Variants in PIK3C2A observed in about 807,000 individuals in gnomAD.
PIK3C2A encodes the protein phosphatidylinositol-4-phosphate 3-kinase catalytic subunit type 2 alpha.
PIK3C2A carries 97 observed loss-of-function variants against 204.5 expected under a neutral mutation model. The observed-to-expected ratio is 0.47, with a 90% CI of 0.40 to 0.56. The LOEUF is 0.56. Ranked by LOEUF, PIK3C2A falls within the 20% of genes least tolerant of loss-of-function variation. The pLI, the probability that PIK3C2A is intolerant of heterozygous loss-of-function variation, is 0.00. For synonymous variants in PIK3C2A, 653 were observed against 664.4 expected, an observed-to-expected ratio of 0.98 and a Z score of 0.26; for missense variants, 1,735 against 1,969.2, an observed-to-expected ratio of 0.88 and a Z score of 2.25.
chr11:17,097,208 T>C lies in PIK3C2A; in HGVS notation c.4175A>G (p.Asn1392Ser), dbSNP rs1263972050. 1 of 1,613,900 alleles carries C rather than the reference T, an allele frequency of 6.2e-7. No individual in the cohort carries two copies. The highest frequency in any genetic ancestry group is 2.2e-5 in the East Asian group (1 of 44,838). Residue 1392 changes from asparagine to serine, a missense_variant, in exon 27 of 33, where the codon AAC (asparagine) becomes AGC (serine). Physicochemically the swap from Asn to Ser is conservative, Grantham distance 46. This residue lies in a region of PIK3C2A where 503 missense variants were observed against 669.0 expected (regional missense o/e 0.75). Transcript: ENST00000691414. ...ACCAGAAAAACGAAGCTGAGCAAGG[T>C]TGTGAATGAAGAAGTTAAACTTTGT... ...IATKFNFFIH[N>S]LAQLRFSGLP...
At chr11:17,111,012 A>AT (rs1848984984) in intron 21 of PIK3C2A, among the ~76,000 whole-genome samples, 2 of 152,002 alleles carry the variant, frequency 1.3e-5, no homozygotes, top group African/African-American at 4.8e-5. Flanking sequence ...GGTTCAACTG[A>AT]TTCTCCTGCC....
rs563703451 is a variant in PIK3C2A, at chr11:17,120,382, A to G, written c.2658-408T>C. Among the ~76,000 whole-genome samples, 307 of 152,226 alleles carry G rather than the reference A, an allele frequency of 2.0e-3. 1 individual carries two copies. Among genetic ancestry groups the G allele is most frequent in the African/African-American group, 6.8e-3 (283 of 41,554 alleles). On this transcript the variant is annotated intron_variant, in intron 15 of 32. Coordinates refer to ENST00000691414, the MANE Select transcript of PIK3C2A (RefSeq NM_002645.4). ...AAATACTACTATAAAATTTTGGAAC[A>G]TATTTATACAGTTCAAATGAAAAGG...
chr11:17,196,918 T>C (rs920542297), intron 1 of PIK3C2A, among the ~76,000 whole-genome samples: 1 of 151,588 alleles, frequency 6.6e-6, no homozygotes, highest in African/African-American at 2.4e-5. Context: ...GAAAAAAAAA[T>C]TGGAGCCACA....
intron 11 of PIK3C2A, among the ~76,000 whole-genome samples, chr11:17,132,370 C>T (rs914994607): frequency 1.1e-4 from 15 of 134,248 alleles, no homozygotes; most frequent in Admixed American, 3.5e-4. Context: ...TCGCCCAGGA[C>T]GGACTGCGGA....
chr11:17,166,452 A>G (rs960727997), intron 2 of PIK3C2A, among the ~76,000 whole-genome samples: 6 of 152,226 alleles, frequency 3.9e-5, no homozygotes, highest in Non-Finnish European at 7.3e-5. Context: ...TGGAATGGTA[A>G]TATCAGCTTA....
chr11:17,116,711 TC>T (rs1180666872), intron 19 of PIK3C2A, among the ~76,000 whole-genome samples: 1 of 151,946 alleles, frequency 6.6e-6, no homozygotes, highest in Non-Finnish European at 1.5e-5. Flanking sequence ...TGCCTCAGCC[TC>T]CCGAGCAGCT....
In PIK3C2A at chr11:17,148,716, C is replaced by T. The variant is rs756850566; in HGVS notation, c.1399G>A (p.Val467Ile). The T allele has an allele frequency of 3.7e-6, 6 of 1,613,298 alleles. No homozygotes were observed. The highest frequency in any genetic ancestry group is 2.7e-5 in the African/African-American group (2 of 75,008). The part of the protein sequence containing the change: ...WVHDDLNQVD[V>I]GSYVLKVCGQ... Reference sequence around the variant, plus strand: ...CAAACTTTTAGAACATAGCTGCCAACATCTACTTGATTCAAGTCATCATGT... The same window carrying T: ...CAAACTTTTAGAACATAGCTGCCAATATCTACTTGATTCAAGTCATCATGT... The change falls in exon 5 of 33, where the codon GTT becomes ATT. Residue 467 changes from valine to isoleucine, a missense_variant. Transcript: ENST00000691414.
intron 1 of PIK3C2A, among the ~76,000 whole-genome samples, chr11:17,205,511 G>C (rs1852538776): frequency 7.4e-6 from 1 of 136,006 alleles, no homozygotes; most frequent in African/African-American, 2.7e-5. Context: ...AATAATTCAT[G>C]TTATCAAAGA....
chr11:17,198,213 G>A (rs1465863884), intron 1 of PIK3C2A, among the ~76,000 whole-genome samples: 3 of 151,188 alleles, frequency 2.0e-5, no homozygotes, highest in East Asian at 3.9e-4. Context: ...GGTTCAAGCC[G>A]ATTCTCCTAA....
chr11:17,105,292 C>G lies in PIK3C2A; in HGVS notation c.3558G>C (p.Leu1186=), dbSNP rs1371287719. The G allele has an allele frequency of 2.5e-6, 4 of 1,609,650 alleles. No homozygotes were observed. Among genetic ancestry groups the G allele is most frequent in the Non-Finnish European group, 3.4e-6 (4 of 1,178,168 alleles). ...TCCTGAGGGTATCGGAAGCAGGAAC[C>G]AGCTCCACCATGCCTTTAATGATAA... ...STGRDRGMVE[L]VPASDTLRKI... is the part of the protein sequence containing the mutation. Residue 1186 remains leucine, a synonymous_variant, in exon 23 of 33, where the codon CTG becomes CTC. Transcript: ENST00000691414.
rs552381343 is a variant in PIK3C2A, at chr11:17,139,907, G to C, written c.1705-3282C>G. Among the ~76,000 whole-genome samples, 8 of 152,250 alleles carry C rather than the reference G, an allele frequency of 5.3e-5. No homozygotes were observed. The South Asian group carries it at 1.7e-3, about 32-fold the overall frequency. On this transcript the variant is annotated intron_variant, in intron 8 of 32. Transcript: ENST00000691414. ...TGAGCACTTTTAGGAAAATCTTATA[G>C]ATTCAACAGTCCTCAATTTCAGCAC...
At chr11:17,104,724 CAA>C (rs5789973) in intron 23 of PIK3C2A, among the ~76,000 whole-genome samples, 13 of 87,368 alleles carry the variant, frequency 1.5e-4, no homozygotes, top group Admixed American at 2.9e-4. Flanking sequence ...GACTCCATCT[CAA>C]AAAAAAAAAA....
intron 13 of PIK3C2A, among the ~76,000 whole-genome samples, chr11:17,125,687 T>C (rs1849499728): frequency 6.6e-6 from 1 of 152,134 alleles, no homozygotes; most frequent in Non-Finnish European, 1.5e-5. Flanking sequence ...GCTATAACTT[T>C]TTTGTATTTT....
intron 1 of PIK3C2A, among the ~76,000 whole-genome samples, chr11:17,175,621 T>A (rs1041719152): frequency 2.1e-4 from 32 of 152,216 alleles, no homozygotes; most frequent in African/African-American, 7.2e-4. Flanking sequence ...CTGCACATCA[T>A]CTGCCAAAAT....
At position 17,097,106 on chromosome 11, in the gene PIK3C2A, T is replaced by A; in HGVS notation, c.4277A>T (p.Glu1426Val). ...CTTATGATATGTAAAAACAGAGACT[T>A]CCTTGATTCGACCATCTTGTCTAAA... ...YSFRQDGRIK[E>V]VSVFTYHKKY... is the part of the protein sequence containing the mutation. The change falls in exon 27 of 33, where the codon GAA becomes GTA. Residue 1426 changes from glutamate to valine, a missense_variant. By Grantham distance (121) the Glu-to-Val change is moderately radical (BLOSUM62 -2). This residue lies in a region of PIK3C2A where 503 missense variants were observed against 669.0 expected (regional missense o/e 0.75). Coordinates refer to ENST00000691414, the MANE Select transcript of PIK3C2A (RefSeq NM_002645.4). The A allele has an allele frequency of 6.2e-7, 1 of 1,607,868 alleles. No individual in the cohort carries two copies. The highest frequency in any genetic ancestry group is 1.1e-5 in the South Asian group (1 of 90,952).
intron 3 of PIK3C2A, among the ~76,000 whole-genome samples, chr11:17,155,280 C>A (rs1850547162): frequency 6.6e-6 from 1 of 152,152 alleles, no homozygotes; most frequent in Non-Finnish European, 1.5e-5. Context: ...ATATTTTTCA[C>A]TGGTTATTAC....
intron 1 of PIK3C2A, among the ~76,000 whole-genome samples, chr11:17,186,468 T>C (rs1426174059): frequency 6.6e-6 from 1 of 152,180 alleles, no homozygotes; most frequent in African/African-American, 2.4e-5. Context: ...CAAGTAGTTG[T>C]TAAACAAATA....
intron 1 of PIK3C2A, among the ~76,000 whole-genome samples, chr11:17,201,486 C>T (rs912471729): frequency 7.3e-6 from 1 of 137,788 alleles, no homozygotes; most frequent in African/African-American, 2.8e-5. Context: ...AAGATCGCAC[C>T]ACTGCACTAC....
intron 8 of PIK3C2A, among the ~76,000 whole-genome samples, chr11:17,136,922 C>T (rs751365148): frequency 5.9e-5 from 9 of 152,228 alleles, no homozygotes; most frequent in Admixed American, 2.0e-4. Context: ...AAAACTAGAG[C>T]TATTTTTTTC....
Sources: gnomAD v4.1 joint callset for allele counts (sites outside exome capture counted in the v4.1 genomes callset) on GRCh38, gnomAD v4.1.1 for gene constraint, gnomAD v4.1.1 regional missense constraint, MANE v1.5 for transcripts, NCBI Gene and HGNC (gene_info 2026-07-23, HGNC 2026-07-21) for gene names.